CSNK1E: variants seen among roughly 807,000 people sequenced by gnomAD.
The protein encoded by CSNK1E is casein kinase 1 epsilon.
A neutral mutation model predicts 46.1 loss-of-function variants in CSNK1E; 17 were observed. The observed-to-expected ratio is 0.37, with a 90% CI of 0.25 to 0.55. CSNK1E has a LOEUF of 0.55. Among genes scored for constraint, CSNK1E ranks in the 20% least tolerant of loss-of-function variants. The probability of loss-of-function intolerance (pLI) is 0.82; values close to 1 mark genes in which losing one functional copy is unlikely to be tolerated. For missense variants in CSNK1E, 386 were observed against 595.4 expected (o/e 0.65, Z 3.66); for synonymous variants, 241 against 242.6 (o/e 0.99, Z 0.06).
At chr22:38,306,789 T>G (rs2092700688) in intron 2 of CSNK1E, among the ~76,000 whole-genome samples, 1 of 151,962 alleles carries the variant, frequency 6.6e-6, no homozygotes, top group South Asian at 2.1e-4. Context: ...AGCTGATACC[T>G]TCGTATCAGC....
Position 38,300,662 on chromosome 22 carries a change from C to T in CSNK1E, c.565+62G>A, listed in dbSNP as rs2092666646. ...ATCAGGGTAGGGGGTGAGAGGGCTC[C>T]AGAGAGCTGGGCCCCAGCCAGTGGC... On this transcript the variant is annotated intron_variant, in intron 5 of 10. Transcript: ENST00000396832. The surrounding 1 kb of genome is among the most constrained non-coding windows in gnomAD (Gnocchi z 4.4). 1 of 1,525,270 alleles carries T rather than the reference C, an allele frequency of 6.6e-7. No homozygotes were observed. The highest frequency in any genetic ancestry group is 2.3e-5 in the East Asian group (1 of 44,334). 94.5% of individuals were successfully genotyped at this position (1,525,270 alleles called of 1,614,324 possible).
chr22:38,307,162 C>A (rs2092702063), intron 2 of CSNK1E, among the ~76,000 whole-genome samples: 1 of 151,574 alleles, frequency 6.6e-6, no homozygotes, highest in Non-Finnish European at 1.5e-5. Context: ...CAGAGCAAGA[C>A]CATGTCTCAA....
rs2145821717 is a variant in CSNK1E, at chr22:38,290,944, T to TAAAAA, written c.*1022_*1026dup. ...GAAAACAAACAAAAATAAAATAAAA[T>TAAAAA]AAAAACAAAAAGGTGTTAACTAGGA... On this transcript the variant is annotated 3_prime_UTR_variant, in exon 11 of 11. Transcript: ENST00000396832. 6.9e-6 allele frequency: 1 copy of TAAAAA among 145,152 alleles called. No homozygotes were observed. The highest frequency in any genetic ancestry group is 2.2e-4 in the South Asian group (1 of 4,580). The allele number at this position is 145,152 out of a possible 1,614,324, so 9.0% of individuals were successfully genotyped here. A position where few individuals can be genotyped will look rare whatever the true frequency, so the allele number is the denominator to read the frequency against.
intron 1 of CSNK1E, among the ~76,000 whole-genome samples, chr22:38,316,105 AGG>A (rs60327507): frequency 6.6e-6 from 1 of 151,020 alleles, no homozygotes; most frequent in African/African-American, 2.4e-5. Flanking sequence ...CCCATGGGGG[AGG>A]GGGGGAGATA....
chr22:38,301,456 G>A (rs766096709), intron 4 of CSNK1E, among the ~76,000 whole-genome samples: 3 of 151,240 alleles, frequency 2.0e-5, no homozygotes, highest in Non-Finnish European at 4.4e-5. Flanking sequence ...TTTTTGAGAT[G>A]GAGTCTCGGT....
rs1232272362 is a variant in CSNK1E, at chr22:38,298,340, C to T, written c.885+446G>A. ...GAGGGAAACAGAACAACTGCCTAGCCAGACCCAGGGGCCCATGACCAAGAA... is the reference window on the plus strand; with the variant it reads ...GAGGGAAACAGAACAACTGCCTAGCTAGACCCAGGGGCCCATGACCAAGAA... On this transcript the variant is annotated intron_variant, in intron 7 of 10. Coordinates refer to ENST00000396832, the MANE Select transcript of CSNK1E (RefSeq NM_152221.3). This position sits in a 1 kb window ranked among gnomAD's most constrained non-coding sequence, Gnocchi z 4.2. The T allele has an allele frequency of 1.7e-6, 1 of 585,134 alleles. No homozygotes were observed. Among genetic ancestry groups the T allele is most frequent in the Non-Finnish European group, 2.6e-6 (1 of 377,534 alleles). The allele number at this position is 585,134 out of a possible 1,614,324, so 36.2% of individuals were successfully genotyped here. A position where few individuals can be genotyped will look rare whatever the true frequency, so the allele number is the denominator to read the frequency against.
Position 38,294,676 on chromosome 22 carries a change from G to A in CSNK1E, c.886-142C>T, listed in dbSNP as rs1277690062. 6 of 763,722 alleles carry A rather than the reference G, an allele frequency of 7.9e-6. No individual in the cohort carries two copies. The highest frequency in any genetic ancestry group is 1.2e-5 in the Non-Finnish European group (6 of 490,900). The allele number at this position is 763,722 out of a possible 1,614,324, so 47.3% of individuals were successfully genotyped here. A position where few individuals can be genotyped will look rare whatever the true frequency, so the allele number is the denominator to read the frequency against. The stretch of plus-strand genomic sequence containing the variant: ...TGCTCCAGCCTCCCTGACAAGCGCG[G>A]GAAGCCAAGACCCACAATCACACAG... On this transcript the variant is annotated intron_variant, in intron 7 of 10. Coordinates refer to ENST00000396832, the MANE Select transcript of CSNK1E (RefSeq NM_152221.3). This position sits in a 1 kb window ranked among gnomAD's most constrained non-coding sequence, Gnocchi z 5.5.
intron 7 of CSNK1E, among the ~76,000 whole-genome samples, chr22:38,295,144 A>G (rs1250338719): frequency 6.6e-6 from 1 of 152,174 alleles, no homozygotes; most frequent in African/African-American, 2.4e-5. Flanking sequence ...GGCCACAGCC[A>G]GGAGGCCCAG....
chr22:38,301,064 T>C, intron 4 of CSNK1E, 112 bp from the exon 5 acceptor site: 1 of 865,692 alleles, frequency 1.2e-6, no homozygotes, highest in Non-Finnish European at 1.9e-6. Flanking sequence ...AGGCCTGCCT[T>C]CGACCATGAA....
At chr22:38,297,067 C>A (rs772668837) in intron 7 of CSNK1E, 3 of 754,970 alleles carry the variant, frequency 4.0e-6, no homozygotes, top group African/African-American at 3.4e-5. Context: ...AGCCACCAGG[C>A]CTGGCCGACA....
intron 10 of CSNK1E, 90 bp downstream of exon 10, chr22:38,293,165 A>AC: frequency 9.7e-7 from 1 of 1,028,394 alleles, no homozygotes; most frequent in Non-Finnish European, 1.5e-6. Flanking sequence ...ACTGCCACCC[A>AC]CCCCTCCACA....
At chr22:38,305,868 C>T (rs995987406) in intron 2 of CSNK1E, among the ~76,000 whole-genome samples, 4 of 152,090 alleles carry the variant, frequency 2.6e-5, no homozygotes, top group African/African-American at 4.8e-5. Flanking sequence ...GGGGATTTGA[C>T]GCTACTCAGC....
intron 9 of CSNK1E, chr22:38,293,832 C>T: frequency 2.0e-6 from 1 of 512,498 alleles, no homozygotes. Context: ...CCCTGCTGCC[C>T]ACCCTGGCTG....
At position 38,297,537 on chromosome 22, in the gene CSNK1E, G is replaced by C. The variant is rs531021823; in HGVS notation, c.885+1249C>G. 5.9e-6 allele frequency: 6 copies of C among 1,017,498 alleles called. No individual in the cohort carries two copies. In the African/African-American group the frequency reaches 8.6e-5, roughly 15 times the overall value. The allele number at this position is 1,017,498 out of a possible 1,614,324, so 63.0% of individuals were successfully genotyped here. ...GCCGACCTTGGCTTCCAGGAGAACA[G>C]AGCCTTGGTCCTAACCATCTAGCAG... On this transcript the variant is annotated intron_variant, in intron 7 of 10. Coordinates refer to ENST00000396832, the MANE Select transcript of CSNK1E (RefSeq NM_152221.3).
In CSNK1E at chr22:38,294,466, C is replaced by T; in HGVS notation, c.954G>A (p.Gly318=). The T allele has an allele frequency of 1.3e-6, 2 of 1,590,358 alleles. No individual in the cohort carries two copies. The highest frequency in any genetic ancestry group is 1.7e-6 in the Non-Finnish European group (2 of 1,169,892). The change falls in exon 8 of 11, where the codon GGG becomes GGA. Residue 318 remains glycine, a synonymous_variant. Coordinates refer to ENST00000396832, the MANE Select transcript of CSNK1E (RefSeq NM_152221.3). The surrounding 1 kb of genome is among the most constrained non-coding windows in gnomAD (Gnocchi z 5.5). ...RREHEREERM[G]QLRGSATRAL... ...CTCGGGTCGCGGACCCCCGTAGCTG[C>T]CCCATCCTCTCCTCGCGTTCGTGTT...
rs2092653060 is a variant in CSNK1E at position 38,298,483 on chromosome 22, G to T, written c.885+303C>A. On this transcript the variant is annotated intron_variant, in intron 7 of 10. Transcript: ENST00000396832. The surrounding 1 kb of genome is among the most constrained non-coding windows in gnomAD (Gnocchi z 4.2). ...TGTAGGCAGCAATCAGGGCAGCAGGGGGCGCCGCCAGCACCACCCATGCCC... is the reference window on the plus strand; with the variant it reads ...TGTAGGCAGCAATCAGGGCAGCAGGTGGCGCCGCCAGCACCACCCATGCCC... 1 of 408,066 alleles carries T rather than the reference G, an allele frequency of 2.5e-6. No individual in the cohort carries two copies. The highest frequency in any genetic ancestry group is 4.6e-6 in the Non-Finnish European group (1 of 215,718). The allele number at this position is 408,066 out of a possible 1,614,324, so 25.3% of individuals were successfully genotyped here.
rs1294447479 is a variant in CSNK1E at position 38,294,712 on chromosome 22, C to T, written c.886-178G>A. Among the ~76,000 whole-genome samples the T allele has an allele frequency of 2.0e-5, 3 of 152,150 alleles. No individual in the cohort carries two copies. Among genetic ancestry groups the T allele is most frequent in the Non-Finnish European group, 4.4e-5 (3 of 68,032 alleles). The stretch of plus-strand genomic sequence containing the variant: ...CCCACAATCACACAGCACAGAGACA[C>T]GAAGCCACACAACCACCAGAGGAAG... On this transcript the variant is annotated intron_variant, in intron 7 of 10. Coordinates refer to ENST00000396832, the MANE Select transcript of CSNK1E (RefSeq NM_152221.3). The surrounding 1 kb of genome is among the most constrained non-coding windows in gnomAD (Gnocchi z 5.5).
Position 38,293,294 on chromosome 22 carries a change from C to A in CSNK1E, c.1244G>T (p.Gly415Val), listed in dbSNP as rs1243277331. ...GTCCAATGGGGGCTCTCCTCACTTC[C>A]CGAGATGGTCAAATGGCACACTTGT... ...SQTSVPFDHL[G>V]K is the part of the protein sequence containing the mutation. The change falls in exon 10 of 11, where the codon GGG becomes GTG. Residue 415 changes from glycine to valine, a missense_variant. Around this residue, in one of 2 missense-constraint regions of CSNK1E, gnomAD observed 174 missense variants for 185.2 expected, o/e 0.94. Transcript: ENST00000396832. 3 of 1,612,734 alleles carry A rather than the reference C, an allele frequency of 1.9e-6. No individual in the cohort carries two copies. Among genetic ancestry groups the A allele is most frequent in the Non-Finnish European group, 2.5e-6 (3 of 1,179,564 alleles).
Position 38,294,638 on chromosome 22 carries a change from C to T in CSNK1E, c.886-104G>A. 9.0e-7 allele frequency: 1 copy of T among 1,113,472 alleles called. No homozygotes were observed. Among genetic ancestry groups the T allele is most frequent in the Non-Finnish European group, 1.3e-6 (1 of 796,470 alleles). 69.0% of individuals were successfully genotyped at this position (1,113,472 alleles called of 1,614,324 possible). A position where few individuals can be genotyped will look rare whatever the true frequency, so the allele number is the denominator to read the frequency against. ...AAGGGGAGGGAGGCCAGGTGGATAT[C>T]TCAGAAACCTTCTGCTCCAGCCTCC... is the stretch of plus-strand genomic sequence containing the variant. On this transcript the variant is annotated intron_variant, in intron 7 of 10. Transcript: ENST00000396832. The surrounding 1 kb of genome is among the most constrained non-coding windows in gnomAD (Gnocchi z 5.5).
Sources: gnomAD v4.1 joint callset for allele counts (sites outside exome capture counted in the v4.1 genomes callset) on GRCh38, gnomAD v4.1.1 for gene constraint, gnomAD v4.1.1 regional missense constraint, Gnocchi (gnomAD v3.1) non-coding constraint, MANE v1.5 for transcripts, NCBI Gene and HGNC (gene_info 2026-07-23, HGNC 2026-07-21) for gene names.